The following RAB19 variants were observed in gnomAD, a reference collection of about 807,000 sequenced individuals.
RAB19 encodes ras-related protein Rab-19.
Under a neutral mutation model 17.3 loss-of-function variants are expected in RAB19, and 21 were observed. That is an observed-to-expected ratio of 1.21 (90% CI 0.86 to 1.74). The LOEUF (loss-of-function observed/expected upper bound fraction) is 1.74. Among genes scored for constraint, RAB19 ranks in the 40% most tolerant of loss-of-function variants. The probability of loss-of-function intolerance (pLI) is 0.00; values close to 1 mark genes in which losing one functional copy is unlikely to be tolerated. For missense variants in RAB19, 277 were observed against 286.8 expected (o/e 0.97, Z 0.25); for synonymous variants, 126 against 110.4 (o/e 1.14, Z -0.88).
chr7:140,407,565 C>A, intron 1 of RAB19, 59 bp from the exon 2 acceptor site: 2 of 1,289,286 alleles, frequency 1.6e-6, no homozygotes, highest in Non-Finnish European at 2.2e-6. Flanking sequence ...GACCTCCCTT[C>A]GTCTTGTCTT....
intron 3 of RAB19, 53 bp downstream of exon 3, chr7:140,412,110 C>T: frequency 6.7e-7 from 1 of 1,495,906 alleles, no homozygotes; most frequent in Non-Finnish European, 9.2e-7. Context: ...TGAGGATGCT[C>T]AGCTTTCTGC....
At chr7:140,423,439 C>CAA (rs59001396) in intron 3 of RAB19, among the ~76,000 whole-genome samples, 9,875 of 130,932 alleles carry the variant, frequency 0.075, 333 homozygotes, top group East Asian at 0.13. Flanking sequence ...GACTACATTT[C>CAA]AAAAAAAAAA....
chr7:140,417,066 A>T (rs1380862757), intron 3 of RAB19, among the ~76,000 whole-genome samples: 1 of 101,854 alleles, frequency 9.8e-6, no homozygotes, highest in East Asian at 2.9e-4. Flanking sequence ...TCTCTACTAA[A>T]AATACAAAAA....
In RAB19 at chr7:140,406,906, G is replaced by A. The variant is rs1480042822; in HGVS notation, c.-23-718G>A. ...GTTTTTTGGGTGTTTTTTTTTTGAG[G>A]TGGAGTTTCGCTCTTGTTGCCCAGG... On this transcript the variant is annotated intron_variant, in intron 1 of 3. Coordinates refer to ENST00000537763, the MANE Select transcript of RAB19 (RefSeq NM_001008749.3). Among the ~76,000 whole-genome samples, 7 of 151,210 alleles carry A rather than the reference G, an allele frequency of 4.6e-5. No homozygotes were observed. In the East Asian group the frequency reaches 1.4e-3, roughly 30 times the overall value.
Position 140,426,229 on chromosome 7 carries a change from C to G in RAB19, c.*79C>G, listed in dbSNP as rs1001163432. 2.0e-6 allele frequency: 3 copies of G among 1,523,662 alleles called. No individual in the cohort carries two copies. The highest frequency in any genetic ancestry group is 4.1e-5 in the Admixed American group (2 of 48,414). 94.4% of individuals were successfully genotyped at this position (1,523,662 alleles called of 1,614,324 possible). On this transcript the variant is annotated 3_prime_UTR_variant, in exon 4 of 4. Transcript: ENST00000537763. ...GTAGCCAGGATACCGTAGTGTTGCC[C>G]CAGTGGCGCTTTAGACCCCAGCGTG...
chr7:140,412,044 C>T lies in RAB19; in HGVS notation c.372C>T (p.Val124=). 2 of 1,611,920 alleles carry T rather than the reference C, an allele frequency of 1.2e-6. No homozygotes were observed. Among genetic ancestry groups the T allele is most frequent in the Non-Finnish European group, 1.7e-6 (2 of 1,179,992 alleles). ...EIEKYGAANV[V]IMLIGNKCDL... ...AGAAATATGGAGCTGCAAATGTGGT[C>T]ATTATGCTGATTGGTATGGCATTTT... Residue 124 remains valine, a synonymous_variant, in exon 3 of 4, where the codon GTC becomes GTT. Coordinates refer to ENST00000537763, the MANE Select transcript of RAB19 (RefSeq NM_001008749.3).
chr7:140,413,839 A>T (rs183528099), intron 3 of RAB19, among the ~76,000 whole-genome samples: 4 of 152,296 alleles, frequency 2.6e-5, no homozygotes, highest in African/African-American at 9.6e-5. Context: ...ACAAAAGGAA[A>T]CCCAGCAATG....
intron 3 of RAB19, among the ~76,000 whole-genome samples, chr7:140,415,999 G>A (rs937843408): frequency 3.3e-5 from 5 of 151,604 alleles, no homozygotes; most frequent in African/African-American, 9.7e-5. Context: ...AAGGCCAGGA[G>A]TTCAACATCA....
chr7:140,409,732 G>A (rs757032102), intron 2 of RAB19, among the ~76,000 whole-genome samples: 20 of 151,466 alleles, frequency 1.3e-4, no homozygotes, highest in Non-Finnish European at 2.8e-4. Flanking sequence ...GGTGGCTCAC[G>A]CCTGTAATCC....
At chr7:140,412,158 TG>T in intron 3 of RAB19, 101 bp downstream of exon 3, 1 of 1,250,080 alleles carries the variant, frequency 8.0e-7, no homozygotes, top group Non-Finnish European at 1.1e-6. Flanking sequence ...ATCTTAAAAG[TG>T]TAAGTGATGC....
Position 140,427,021 on chromosome 7 carries a change from T to C in RAB19, c.*871T>C, listed in dbSNP as rs1355171072. 2.0e-5 allele frequency among the ~76,000 whole-genome samples: 3 copies of C among 151,630 alleles called. No homozygotes were observed. The highest frequency in any genetic ancestry group is 2.9e-5 in the Non-Finnish European group (2 of 67,882). The stretch of plus-strand genomic sequence containing the variant: ...CACTCCTGGCTAATTTTTGTATTTT[T>C]TGTAGAGACAAGGTTTCACCATGTT... On this transcript the variant is annotated 3_prime_UTR_variant, in exon 4 of 4. Coordinates refer to ENST00000537763, the MANE Select transcript of RAB19 (RefSeq NM_001008749.3).
chr7:140,425,929 G>A lies in RAB19; in HGVS notation c.433G>A (p.Ala145Thr). The change falls in exon 4 of 4, where the codon GCC becomes ACC. Residue 145 changes from alanine to threonine, a missense_variant. Coordinates refer to ENST00000537763, the MANE Select transcript of RAB19 (RefSeq NM_001008749.3). ...AAAGCGGCACGTCCTGTTCGAGGAT[G>A]CCTGCACACTGGCTGAGAAGTACGG... ...WEKRHVLFED[A>T]CTLAEKYGLL... 1 of 1,614,182 alleles carries A rather than the reference G, an allele frequency of 6.2e-7. No homozygotes were observed. Among genetic ancestry groups the A allele is most frequent in the Non-Finnish European group, 8.5e-7 (1 of 1,180,026 alleles).
chr7:140,426,006 A>C lies in RAB19; in HGVS notation c.510A>C (p.Glu170Asp). 1.2e-5 allele frequency: 20 copies of C among 1,614,160 alleles called. No individual in the cohort carries two copies. Among genetic ancestry groups the C allele is most frequent in the Non-Finnish European group, 1.7e-5 (20 of 1,180,034 alleles). ...TSAKESKNIEEVFVLMAKELI... is the reference protein window; with the variant it reads ...TSAKESKNIEDVFVLMAKELI... Reference sequence around the variant, plus strand: ...CCAAGGAGTCAAAGAACATAGAAGAAGTCTTCGTGCTCATGGCCAAGGAGC... The same window carrying C: ...CCAAGGAGTCAAAGAACATAGAAGACGTCTTCGTGCTCATGGCCAAGGAGC... Residue 170 changes from glutamate (E) to aspartate (D), a missense_variant, in exon 4 of 4, where the codon GAA (glutamate) becomes GAC (aspartate). Coordinates refer to ENST00000537763, the MANE Select transcript of RAB19 (RefSeq NM_001008749.3).
rs398067341 is a variant in RAB19 at position 140,426,839 on chromosome 7, C to CTTT, written c.*707_*709dup. 5.6e-5 allele frequency among the ~76,000 whole-genome samples: 7 copies of CTTT among 123,992 alleles called. No homozygotes were observed. Among genetic ancestry groups the CTTT allele is most frequent in the Admixed American group, 1.6e-4 (2 of 12,200 alleles). 81.3% of individuals were successfully genotyped at this position (123,992 alleles called of 152,430 possible). A position where few individuals can be genotyped will look rare whatever the true frequency, so the allele number is the denominator to read the frequency against. ...AAGACACCTGCAATTTTTTTTCTTT[C>CTTT]TTTTTTTTTTTTTTTTTTTTGAGAC... On this transcript the variant is annotated 3_prime_UTR_variant, in exon 4 of 4. Coordinates refer to ENST00000537763, the MANE Select transcript of RAB19 (RefSeq NM_001008749.3).
At position 140,426,096 on chromosome 7, in the gene RAB19, C is replaced by G; in HGVS notation, c.600C>G (p.Ser200=). The change falls in exon 4 of 4, where the codon TCC becomes TCG. Residue 200 remains serine, a synonymous_variant. Coordinates refer to ENST00000537763, the MANE Select transcript of RAB19 (RefSeq NM_001008749.3). Reference sequence around the variant, plus strand: ...CCCTGAACGGCCTCCCCCTGGACTCCAGCCCCGTTCTTATGGCCCAGGGTC... The same window carrying G: ...CCCTGAACGGCCTCCCCCTGGACTCGAGCCCCGTTCTTATGGCCCAGGGTC... ...ESALNGLPLD[S]SPVLMAQGPS... 1.9e-6 allele frequency: 3 copies of G among 1,614,190 alleles called. No individual in the cohort carries two copies. In the South Asian group the frequency reaches 3.3e-5, roughly 18 times the overall value.
Position 140,426,346 on chromosome 7 carries a change from A to C in RAB19, c.*196A>C, listed in dbSNP as rs1473641586. 1 of 596,626 alleles carries C rather than the reference A, an allele frequency of 1.7e-6. No individual in the cohort carries two copies. The highest frequency in any genetic ancestry group is 1.8e-5 in the African/African-American group (1 of 54,058). 37.0% of individuals were successfully genotyped at this position (596,626 alleles called of 1,614,324 possible). On this transcript the variant is annotated 3_prime_UTR_variant, in exon 4 of 4. Transcript: ENST00000537763. ...AGGTCATAGCTGCTGACTCTCAGGA[A>C]AACCAGCACCATTGTTTTCACTGAC...
intron 3 of RAB19, among the ~76,000 whole-genome samples, chr7:140,412,794 G>A (rs886458298): frequency 1.3e-5 from 2 of 151,256 alleles, no homozygotes; most frequent in African/African-American, 4.9e-5. Context: ...AGAAAGAAGA[G>A]GCAATTTCTA....
intron 2 of RAB19, among the ~76,000 whole-genome samples, chr7:140,408,060 T>C (rs1799283081): frequency 6.8e-6 from 1 of 147,836 alleles, no homozygotes. Context: ...TTTTTTTTTA[T>C]GTATTTTTAG....
chr7:140,404,989 G>A (rs1467028975), intron 1 of RAB19, among the ~76,000 whole-genome samples: 3 of 152,132 alleles, frequency 2.0e-5, no homozygotes, highest in Non-Finnish European at 4.4e-5. Context: ...AGTGCAAAAT[G>A]GAAATTTTTC....
Sources: allele counts gnomAD v4.1 joint callset (sites outside exome capture counted in the v4.1 genomes callset), GRCh38; gene constraint gnomAD v4.1.1; transcripts MANE v1.5; gene names NCBI Gene and HGNC (gene_info 2026-07-23, HGNC 2026-07-21).